The following STAG2 variants were observed in gnomAD, a reference collection of about 807,000 sequenced individuals.
The protein encoded by STAG2 is cohesin subunit SA-2.
Under a neutral mutation model 108.1 loss-of-function variants are expected in STAG2, and 14 were observed. The ratio of observed to expected loss-of-function variants is 0.13; its 90% CI spans 0.09 to 0.20. STAG2 has a LOEUF of 0.20. Ranked by LOEUF, STAG2 falls within the 10% of genes least tolerant of loss-of-function variation. STAG2 has a pLI of 1.00. For missense variants in STAG2, 440 were observed against 940.9 expected (o/e 0.47, Z 6.96); for synonymous variants, 307 against 302.7 (o/e 1.01, Z -0.15).
At chrX:123,970,031 T>C (rs1170429522) in intron 1 of STAG2, among the ~76,000 whole-genome samples, 16 of 104,807 alleles carry the variant, frequency 1.5e-4, no homozygotes, top group Non-Finnish European at 2.1e-4. Flanking sequence ...GTTGGACTTA[T>C]GACCTAAGAT....
Position 123,999,704 on chromosome X carries a change from T to G in STAG2, c.-162-21663T>G, listed in dbSNP as rs189106630. ...TCGGCTCACTGCAACAACCTCCGCC[T>G]CCTGGGCCAAAGTGATCCTCCTGCC... On this transcript the variant is annotated intron_variant, in intron 1 of 34. Coordinates refer to ENST00000371145, the MANE Select transcript of STAG2 (RefSeq NM_001042750.2). Among the ~76,000 whole-genome samples, 809 of 111,228 alleles carry G rather than the reference T, an allele frequency of 7.3e-3. 3 individuals are homozygous for G. The highest frequency in any genetic ancestry group is 0.014 in the Middle Eastern group (3 of 217).
chrX:124,093,882 A>G, intron 32 of STAG2, 136 bp from the exon 33 acceptor site: 1 of 642,655 alleles, frequency 1.6e-6, no homozygotes, highest in Admixed American at 3.7e-5. Flanking sequence ...GACATAATCA[A>G]TGCCTAATCA....
chrX:124,084,248 A>C (rs1180418586), intron 29 of STAG2, among the ~76,000 whole-genome samples: 1 of 111,762 alleles, frequency 8.9e-6, no homozygotes, highest in East Asian at 2.8e-4. Flanking sequence ...AAGCAGGCAA[A>C]ACTAATGTAT....
intron 14 of STAG2, among the ~76,000 whole-genome samples, chrX:124,056,952 G>T (rs1198082933): frequency 9.3e-6 from 1 of 107,577 alleles, no homozygotes; most frequent in Non-Finnish European, 1.9e-5. Flanking sequence ...GTGTGCAGTG[G>T]TGCGATCTCA....
intron 1 of STAG2, among the ~76,000 whole-genome samples, chrX:123,975,236 A>G (rs1602647180): frequency 8.9e-6 from 1 of 112,034 alleles, no homozygotes; most frequent in Non-Finnish European, 1.9e-5. Context: ...AAAGAAGAAG[A>G]TAAAATGTAG....
At position 123,984,442 on chromosome X, in the gene STAG2, A is replaced by C. The variant is rs1387496955; in HGVS notation, c.-163+22586A>C. 6.3e-5 allele frequency among the ~76,000 whole-genome samples: 7 copies of C among 111,115 alleles called. No homozygotes were observed. The Admixed American group carries it at 6.7e-4, about 11-fold the overall frequency. ...AGCGTAATCATCTTGTTTTATTTTC[A>C]TGCTAGCATTTACCAGTACTTGGTA... On this transcript the variant is annotated intron_variant, in intron 1 of 34. Coordinates refer to ENST00000371145, the MANE Select transcript of STAG2 (RefSeq NM_001042750.2).
intron 1 of STAG2, among the ~76,000 whole-genome samples, chrX:123,990,560 C>T (rs1230332167): frequency 1.8e-5 from 2 of 111,512 alleles, no homozygotes; most frequent in Non-Finnish European, 3.8e-5. Context: ...GGTGTCTTTT[C>T]AGAGTTGTGT....
chrX:124,101,478 AAAATTATATAT>A lies in STAG2; in HGVS notation c.*883_*893del, dbSNP rs1324561328. The A allele has an allele frequency of 6.7e-6, 1 of 149,464 alleles. No homozygotes were observed. Among genetic ancestry groups the A allele is most frequent in the African/African-American group, 3.1e-5 (1 of 32,386 alleles). The allele number at this position is 149,464 out of a possible 1,213,427, so 12.3% of individuals were successfully genotyped here. A position where few individuals can be genotyped will look rare whatever the true frequency, so the allele number is the denominator to read the frequency against. On this transcript the variant is annotated 3_prime_UTR_variant, in exon 35 of 35. Coordinates refer to ENST00000371145, the MANE Select transcript of STAG2 (RefSeq NM_001042750.2). The stretch of plus-strand genomic sequence containing the variant: ...GGGAATAGGGATCTAAATTTTAAAT[AAAATTATATAT>A]ATATATAAATTGGTGCTGATTTTAT...
At chrX:124,046,274 C>T (rs973741778) in intron 8 of STAG2, among the ~76,000 whole-genome samples, 2 of 112,042 alleles carry the variant, frequency 1.8e-5, no homozygotes, top group Non-Finnish European at 3.8e-5. Flanking sequence ...TATGCTTCTA[C>T]GTCCTTCATT....
At chrX:124,063,335 C>G in intron 19 of STAG2, 130 bp downstream of exon 19, 1 of 490,515 alleles carries the variant, frequency 2.0e-6, no homozygotes, top group Non-Finnish European at 3.3e-6. Flanking sequence ...TAGCTTAGGT[C>G]TTCTGTACTT....
chrX:124,065,739 C>T lies in STAG2; in HGVS notation c.2026-137C>T, dbSNP rs574538854. 306 of 368,921 alleles carry T rather than the reference C, an allele frequency of 8.3e-4. 1 individual carries two copies. In the South Asian group the frequency reaches 0.02, roughly 24 times the overall value. The allele number at this position is 368,921 out of a possible 1,213,427, so 30.4% of individuals were successfully genotyped here. Reference sequence around the variant, plus strand: ...CCAGCCATATTGCCTTAAATTTGGCCAGATCTAGGTATTGAATGACAAAGT... The same window carrying T: ...CCAGCCATATTGCCTTAAATTTGGCTAGATCTAGGTATTGAATGACAAAGT... On this transcript the variant is annotated intron_variant, in intron 20 of 34. Transcript: ENST00000371145.
At chrX:124,098,911 T>C (rs2059446427) in intron 34 of STAG2, among the ~76,000 whole-genome samples, 1 of 111,789 alleles carries the variant, frequency 8.9e-6, no homozygotes, top group Non-Finnish European at 1.9e-5. Context: ...CAAAATTGGT[T>C]TATACCATTT....
intron 24 of STAG2, 75 bp downstream of exon 24, chrX:124,068,731 ATAAT>A: frequency 1.4e-6 from 1 of 710,927 alleles, no homozygotes; most frequent in East Asian, 3.5e-5. Context: ...GAAAGTTTAA[ATAAT>A]ACTAAGATTG....
chrX:123,989,681 T>G (rs930644782), intron 1 of STAG2, among the ~76,000 whole-genome samples: 3 of 106,791 alleles, frequency 2.8e-5, no homozygotes, highest in South Asian at 4.3e-4. Flanking sequence ...CTCGGCTCAC[T>G]GCAACCTCCG....
At position 124,028,992 on chromosome X, in the gene STAG2, TATA is replaced by T. The variant is rs1488185550; in HGVS notation, c.124-1968_124-1966del. Among the ~76,000 whole-genome samples, 205 of 91,481 alleles carry T rather than the reference TATA, an allele frequency of 2.2e-3. 5 individuals are homozygous for T. The highest frequency in any genetic ancestry group is 7.0e-3 in the African/African-American group (169 of 24,119). The allele number at this position is 91,481 out of a possible 115,157, so 79.4% of individuals were successfully genotyped here. On this transcript the variant is annotated intron_variant, in intron 4 of 34. Transcript: ENST00000371145. The stretch of plus-strand genomic sequence containing the variant: ...TTATTTATTTATTTTTATTTATATA[TATA>T]TATATATATATATATATATTTATTT...
chrX:123,991,149 A>G (rs1336786147), intron 1 of STAG2, among the ~76,000 whole-genome samples: 2 of 111,860 alleles, frequency 1.8e-5, no homozygotes, highest in Non-Finnish European at 3.8e-5. Context: ...TTTATTATGA[A>G]AAACTCCAAT....
In STAG2 at chrX:124,101,829, A is replaced by C. The variant is rs1251533995; in HGVS notation, c.*1232A>C. 1.2e-5 allele frequency: 2 copies of C among 160,605 alleles called. No individual in the cohort carries two copies. Among genetic ancestry groups the C allele is most frequent in the Admixed American group, 8.3e-5 (1 of 12,113 alleles). The allele number at this position is 160,605 out of a possible 1,213,427, so 13.2% of individuals were successfully genotyped here. ...AACTTCATTTTATGTCCTTTCACAAATAAATTAGTTTAAAACAGAAAGTGG... is the reference window on the plus strand; with the variant it reads ...AACTTCATTTTATGTCCTTTCACAACTAAATTAGTTTAAAACAGAAAGTGG... On this transcript the variant is annotated 3_prime_UTR_variant, in exon 35 of 35. Transcript: ENST00000371145.
chrX:123,987,105 G>T (rs2055226130), intron 1 of STAG2, among the ~76,000 whole-genome samples: 1 of 110,482 alleles, frequency 9.1e-6, no homozygotes, highest in South Asian at 3.9e-4. Context: ...CGATTCTCCT[G>T]CCTTAGCCTC....
intron 1 of STAG2, among the ~76,000 whole-genome samples, chrX:123,994,799 A>G (rs182856035): frequency 1.1e-3 from 123 of 112,190 alleles, no homozygotes; most frequent in Admixed American, 9.2e-3. Flanking sequence ...GTTCAAGCCT[A>G]GATTCTTGCC....
Sources: gnomAD v4.1 joint callset for allele counts (sites outside exome capture counted in the v4.1 genomes callset) on GRCh38, gnomAD v4.1.1 for gene constraint, MANE v1.5 for transcripts, NCBI Gene and HGNC (gene_info 2026-07-23, HGNC 2026-07-21) for gene names.